Variants in RSRC1 observed in about 807,000 individuals in gnomAD.
RSRC1 encodes the protein arginine and serine rich coiled-coil 1.
RSRC1 carries 39 observed loss-of-function variants against 49.1 expected under a neutral mutation model. That is an observed-to-expected ratio of 0.79 (90% CI 0.61 to 1.04). RSRC1 has a LOEUF of 1.04. Ranked by LOEUF, RSRC1 falls within the 50% of genes least tolerant of loss-of-function variation. The pLI, the probability that RSRC1 is intolerant of heterozygous loss-of-function variation, is 0.00. For missense variants in RSRC1, 388 were observed against 402.4 expected (o/e 0.96, Z 0.31); for synonymous variants, 143 against 130.8 (o/e 1.09, Z -0.63).
intron 7 of RSRC1, among the ~76,000 whole-genome samples, chr3:158,518,368 A>G (rs1740719107): frequency 7.0e-6 from 1 of 142,234 alleles, no homozygotes; most frequent in African/African-American, 2.8e-5. Context: ...TATAGTGTTT[A>G]TAAAAGATTT....
intron 4 of RSRC1, among the ~76,000 whole-genome samples, chr3:158,259,788 G>T (rs189365223): frequency 9.9e-5 from 15 of 152,280 alleles, no homozygotes; most frequent in Admixed American, 9.1e-4. Context: ...CACCTAAGCT[G>T]CAAGGCAAAG....
intron 4 of RSRC1, among the ~76,000 whole-genome samples, chr3:158,244,407 A>G (rs564620095): frequency 6.6e-6 from 1 of 152,240 alleles, no homozygotes; most frequent in East Asian, 1.9e-4. Context: ...AGTTCTGCAT[A>G]TGTGATTAAT....
rs1726260807 is a variant in RSRC1 at position 158,282,827 on chromosome 3, T to G, written c.495-15212T>G. 1.3e-5 allele frequency among the ~76,000 whole-genome samples: 2 copies of G among 152,144 alleles called. 1 individual carries two copies. Among genetic ancestry groups the G allele is most frequent in the South Asian group, 4.1e-4 (2 of 4,822 alleles). ...GAAGAGTTACATATTGGCAGAAAATTGTTAGCCAGGTAAGGTAGATTATAA... is the reference window on the plus strand; with the variant it reads ...GAAGAGTTACATATTGGCAGAAAATGGTTAGCCAGGTAAGGTAGATTATAA... On this transcript the variant is annotated intron_variant, in intron 4 of 9. Transcript: ENST00000611884.
At chr3:158,404,804 G>A (rs1206641746) in intron 6 of RSRC1, among the ~76,000 whole-genome samples, 3 of 151,826 alleles carry the variant, frequency 2.0e-5, no homozygotes, top group Non-Finnish European at 1.5e-5. Flanking sequence ...CATGAATACG[G>A]GTTGATTACA....
intron 7 of RSRC1, among the ~76,000 whole-genome samples, chr3:158,501,289 A>G (rs945185164): frequency 2.0e-5 from 3 of 152,232 alleles, no homozygotes; most frequent in African/African-American, 4.8e-5. Flanking sequence ...CTTATGGTCT[A>G]TCTTGGAGAA....
intron 6 of RSRC1, among the ~76,000 whole-genome samples, chr3:158,451,670 C>G (rs991856700): frequency 4.6e-5 from 7 of 151,990 alleles, no homozygotes; most frequent in Non-Finnish European, 1.5e-5. Context: ...ACTCATAATG[C>G]CTTTATTCAG....
intron 7 of RSRC1, among the ~76,000 whole-genome samples, chr3:158,518,112 G>GCATA (rs1560073619): frequency 2.6e-5 from 2 of 77,740 alleles, no homozygotes; most frequent in African/African-American, 1.6e-4. Context: ...GTGTGTGTGT[G>GCATA]TGTGTGTGTG....
At chr3:158,206,247 G>T (rs2108282828) in intron 4 of RSRC1, among the ~76,000 whole-genome samples, 1 of 152,238 alleles carries the variant, frequency 6.6e-6, no homozygotes, top group African/African-American at 2.4e-5. Flanking sequence ...CCTTCTGGTT[G>T]AGAGATATTT....
chr3:158,477,582 A>G (rs1044123877), intron 7 of RSRC1, among the ~76,000 whole-genome samples: 18 of 152,004 alleles, frequency 1.2e-4, no homozygotes, highest in Admixed American at 3.3e-4. Flanking sequence ...ATGTAACACT[A>G]TTGCACACTT....
intron 5 of RSRC1, among the ~76,000 whole-genome samples, chr3:158,324,731 C>T (rs1229364202): frequency 6.6e-6 from 1 of 152,126 alleles, no homozygotes; most frequent in Non-Finnish European, 1.5e-5. Flanking sequence ...GATTTATAAT[C>T]CTTTGGGTAT....
At chr3:158,479,986 A>G (rs937881687) in intron 7 of RSRC1, among the ~76,000 whole-genome samples, 2 of 152,012 alleles carry the variant, frequency 1.3e-5, no homozygotes, top group African/African-American at 4.8e-5. Context: ...GTCAAGAGTA[A>G]CCATTTAGCA....
chr3:158,189,375 T>C (rs898722411), intron 3 of RSRC1, among the ~76,000 whole-genome samples: 1 of 151,982 alleles, frequency 6.6e-6, no homozygotes, highest in African/African-American at 2.4e-5. Context: ...ACGTTACAAA[T>C]CCACAATCAA....
intron 4 of RSRC1, among the ~76,000 whole-genome samples, chr3:158,280,715 C>T (rs1376214214): frequency 4.5e-5 from 6 of 134,762 alleles, no homozygotes; most frequent in African/African-American, 1.7e-4. Context: ...GGCGTGATCT[C>T]GGCTCACTGC....
chr3:158,371,074 G>A (rs1732045597), intron 6 of RSRC1, among the ~76,000 whole-genome samples: 1 of 151,670 alleles, frequency 6.6e-6, no homozygotes, highest in Non-Finnish European at 1.5e-5. Flanking sequence ...TTTACCATCT[G>A]TATACTTTCT....
chr3:158,313,134 C>T (rs997124225), intron 5 of RSRC1, among the ~76,000 whole-genome samples: 1 of 151,992 alleles, frequency 6.6e-6, no homozygotes, highest in African/African-American at 2.4e-5. Context: ...CTAGCTCATG[C>T]ATCATCTCCT....
intron 7 of RSRC1, among the ~76,000 whole-genome samples, chr3:158,529,992 G>A (rs1712286864): frequency 6.6e-6 from 1 of 151,838 alleles, no homozygotes; most frequent in South Asian, 2.1e-4. Flanking sequence ...CCTTCTCATA[G>A]ATGTGCACAG....
At chr3:158,367,931 A>G (rs1731866208) in intron 6 of RSRC1, among the ~76,000 whole-genome samples, 1 of 152,168 alleles carries the variant, frequency 6.6e-6, no homozygotes, top group Admixed American at 6.5e-5. Flanking sequence ...TGTGTCCTAA[A>G]GAGAATCTCT....
chr3:158,174,460 A>T (rs1300398343), intron 3 of RSRC1, among the ~76,000 whole-genome samples: 1 of 152,006 alleles, frequency 6.6e-6, no homozygotes, highest in East Asian at 1.9e-4. Flanking sequence ...TGTAAATACT[A>T]CTGAGGTCAA....
intron 1 of RSRC1, among the ~76,000 whole-genome samples, chr3:158,121,674 AAGG>A (rs1715270551): frequency 6.6e-6 from 1 of 152,234 alleles, no homozygotes; most frequent in South Asian, 2.1e-4. Context: ...TGTGAGAATA[AAGG>A]AATAGTTGGT....
Sources: gnomAD v4.1 joint callset for allele counts (sites outside exome capture counted in the v4.1 genomes callset) on GRCh38, gnomAD v4.1.1 for gene constraint, MANE v1.5 for transcripts, NCBI Gene and HGNC (gene_info 2026-07-23, HGNC 2026-07-21) for gene names.